The following SPOCK3 variants were observed in gnomAD, a reference collection of about 807,000 sequenced individuals.
The protein encoded by SPOCK3 is testican-3.
SPOCK3 carries 30 observed loss-of-function variants against 56.6 expected under a neutral mutation model. The ratio of observed to expected loss-of-function variants is 0.53; its 90% confidence interval spans 0.40 to 0.72. SPOCK3 has a LOEUF of 0.72. Ranked by LOEUF, SPOCK3 falls within the 30% of genes least tolerant of loss-of-function variation. The pLI is 0.00. For synonymous variants in SPOCK3, 196 were observed against 183.3 expected (o/e 1.07, Z -0.56); for missense variants, 527 against 530.0 (o/e 0.99, Z 0.06).
At position 167,205,385 on chromosome 4, in the gene SPOCK3, A is replaced by AT. The variant is rs1409588408; in HGVS notation, c.189+28599dup. On this transcript the variant is annotated intron_variant, in intron 2 of 10. Transcript: ENST00000357545. ...ATTATATATTTTATATATATAATAT[A>AT]TATATTTTATATATAATATATTATA... Among the ~76,000 whole-genome samples, 180 of 41,318 alleles carry AT rather than the reference A, an allele frequency of 4.4e-3. 6 individuals carry two copies. The highest frequency in any genetic ancestry group is 5.7e-3 in the Non-Finnish European group (153 of 26,614). The allele number at this position is 41,318 out of a possible 152,430, so 27.1% of individuals were successfully genotyped here. A position where few individuals can be genotyped will look rare whatever the true frequency, so the allele number is the denominator to read the frequency against.
chr4:166,932,586 G>A (rs1018612661), intron 4 of SPOCK3, among the ~76,000 whole-genome samples: 4 of 152,276 alleles, frequency 2.6e-5, no homozygotes, highest in African/African-American at 7.2e-5. Flanking sequence ...AAAATGTAAT[G>A]TTGGGAGATT....
At chr4:166,928,118 AT>A (rs1213236072) in intron 4 of SPOCK3, among the ~76,000 whole-genome samples, 1 of 152,206 alleles carries the variant, frequency 6.6e-6, no homozygotes, top group Non-Finnish European at 1.5e-5. Context: ...ACTCTGATTC[AT>A]TGCTGGTGGG....
At chr4:167,017,475 G>A (rs1283055220) in intron 3 of SPOCK3, among the ~76,000 whole-genome samples, 1 of 152,106 alleles carries the variant, frequency 6.6e-6, no homozygotes, top group Admixed American at 6.6e-5. Flanking sequence ...GTGGAGTAGA[G>A]CCACTGGATA....
intron 4 of SPOCK3, among the ~76,000 whole-genome samples, chr4:166,960,296 G>T (rs1744001677): frequency 1.3e-5 from 2 of 152,246 alleles, no homozygotes; most frequent in African/African-American, 4.8e-5. Flanking sequence ...CTAGCAGATG[G>T]TAGGTATCAC....
chr4:167,020,034 A>G (rs1751018228), intron 3 of SPOCK3, among the ~76,000 whole-genome samples: 1 of 152,106 alleles, frequency 6.6e-6, no homozygotes, highest in Non-Finnish European at 1.5e-5. Context: ...ATTGGATGTT[A>G]CAGAAGTGAA....
At chr4:166,957,201 C>A (rs578134265) in intron 4 of SPOCK3, among the ~76,000 whole-genome samples, 31 of 152,278 alleles carry the variant, frequency 2.0e-4, no homozygotes, top group African/African-American at 5.8e-4. Context: ...TGGCAGTGAG[C>A]CAAGATCAGC....
chr4:166,920,749 T>C (rs1019048250), intron 4 of SPOCK3, among the ~76,000 whole-genome samples: 2 of 152,118 alleles, frequency 1.3e-5, no homozygotes, highest in African/African-American at 2.4e-5. Flanking sequence ...CATGGAAAAA[T>C]ATTGTTTGAC....
At chr4:167,105,585 A>T (rs1760052244) in intron 2 of SPOCK3, among the ~76,000 whole-genome samples, 1 of 151,692 alleles carries the variant, frequency 6.6e-6, no homozygotes, top group South Asian at 2.1e-4. Flanking sequence ...AAAATCACAA[A>T]ATGGCAGGAG....
rs188879009 is a variant in SPOCK3 at position 166,746,679 on chromosome 4, A to G, written c.932-4620T>C. Among the ~76,000 whole-genome samples, 40 of 152,332 alleles carry G rather than the reference A, an allele frequency of 2.6e-4. 1 individual carries two copies. In the East Asian group the frequency reaches 7.3e-3, roughly 28 times the overall value. On this transcript the variant is annotated intron_variant, in intron 8 of 10. Transcript: ENST00000357545. ...TAAAGACACAAAATCCCTTCAAAAA[A>G]TCAATGAATCCAGGAGCTGGTTTTT...
chr4:167,231,259 T>C (rs947388103), intron 2 of SPOCK3, among the ~76,000 whole-genome samples: 2 of 152,056 alleles, frequency 1.3e-5, no homozygotes, highest in African/African-American at 4.8e-5. Flanking sequence ...CAGTTCAAAC[T>C]TTCATTAAGG....
chr4:167,116,911 G>A (rs571570241), intron 2 of SPOCK3, among the ~76,000 whole-genome samples: 14,993 of 111,938 alleles, frequency 0.13, 1,116 homozygotes, highest in African/African-American at 0.14. Context: ...GTGTGTGTGT[G>A]TGTATATATA....
intron 6 of SPOCK3, among the ~76,000 whole-genome samples, chr4:166,802,550 T>G (rs1295106106): frequency 6.6e-5 from 10 of 152,146 alleles, no homozygotes; most frequent in African/African-American, 1.9e-4. Flanking sequence ...ACAAGCTCCC[T>G]TGGGCCTCCT....
rs143060985 is a variant in SPOCK3, at chr4:167,040,258, C to T, written c.235+22234G>A. The stretch of plus-strand genomic sequence containing the variant: ...TCTTTAATATGATGGTGAAAAGTAG[C>T]GTGTGATTATTTCAGAATATAGGAT... On this transcript the variant is annotated intron_variant, in intron 3 of 10. Coordinates refer to ENST00000357545, the MANE Select transcript of SPOCK3 (RefSeq NM_001040159.2). Among the ~76,000 whole-genome samples, 183 of 152,190 alleles carry T rather than the reference C, an allele frequency of 1.2e-3. 2 individuals are homozygous for T. The East Asian group carries it at 0.015, about 13-fold the overall frequency.
intron 2 of SPOCK3, among the ~76,000 whole-genome samples, chr4:167,221,226 CA>C (rs1438385147): frequency 6.6e-6 from 1 of 151,356 alleles, no homozygotes; most frequent in Admixed American, 6.6e-5. Flanking sequence ...AAATTAGCCA[CA>C]CATGGTGGTA....
chr4:167,012,526 A>G (rs183017158), intron 3 of SPOCK3, among the ~76,000 whole-genome samples: 3 of 152,116 alleles, frequency 2.0e-5, no homozygotes, highest in Admixed American at 1.3e-4. Flanking sequence ...GTGATGAGAT[A>G]GCTCTTTAGC....
intron 3 of SPOCK3, among the ~76,000 whole-genome samples, chr4:167,000,988 G>T (rs949937266): frequency 6.6e-6 from 1 of 152,148 alleles, no homozygotes; most frequent in African/African-American, 2.4e-5. Flanking sequence ...TAAGAACTGA[G>T]ATTCTGCATT....
rs370551428 is a variant in SPOCK3, at chr4:166,925,908, C to T, written c.351-13165G>A. 9.9e-5 allele frequency among the ~76,000 whole-genome samples: 15 copies of T among 152,212 alleles called. 1 individual carries two copies. The highest frequency in any genetic ancestry group is 3.6e-4 in the African/African-American group (15 of 41,528). ...CACATGAACGCATTAAGCTTATTTA[C>T]CAGTTTCTGTTTGTTTAACAACTCA... On this transcript the variant is annotated intron_variant, in intron 4 of 10. Transcript: ENST00000357545.
At chr4:166,942,173 A>C (rs1029624139) in intron 4 of SPOCK3, among the ~76,000 whole-genome samples, 2 of 152,162 alleles carry the variant, frequency 1.3e-5, no homozygotes, top group Non-Finnish European at 2.9e-5. Context: ...CTATTTGAGT[A>C]TAGGTCACTC....
At chr4:166,778,643 A>G (rs1739832517) in intron 7 of SPOCK3, among the ~76,000 whole-genome samples, 1 of 152,102 alleles carries the variant, frequency 6.6e-6, no homozygotes, top group Non-Finnish European at 1.5e-5. Context: ...TTTAAAAATT[A>G]TTTTAGGTTC....
Sources: allele counts gnomAD v4.1 joint callset (sites outside exome capture counted in the v4.1 genomes callset), GRCh38; gene constraint gnomAD v4.1.1; transcripts MANE v1.5; gene names NCBI Gene and HGNC (gene_info 2026-07-23, HGNC 2026-07-21).